The following DNAJC1 variants were observed in gnomAD, a reference collection of about 807,000 sequenced individuals.
The protein encoded by DNAJC1 is dnaJ homolog subfamily C member 1.
Under a neutral mutation model 76.6 loss-of-function variants are expected in DNAJC1, and 58 were observed. The ratio of observed to expected loss-of-function variants is 0.76; its 90% confidence interval spans 0.61 to 0.94. DNAJC1 has a LOEUF of 0.94. Among genes scored for constraint, DNAJC1 ranks in the 40% least tolerant of loss-of-function variants. The pLI is 0.00. For missense variants in DNAJC1, 689 were observed against 677.3 expected (o/e 1.02, Z -0.19); for synonymous variants, 258 against 267.9 (o/e 0.96, Z 0.36).
intron 8 of DNAJC1, among the ~76,000 whole-genome samples, chr10:21,850,784 T>C (rs1392364342): frequency 6.6e-6 from 1 of 152,160 alleles, no homozygotes. Context: ...ACTACAAAGC[T>C]ATTGTAATCA....
At chr10:21,830,879 T>C (rs573732458) in intron 8 of DNAJC1, among the ~76,000 whole-genome samples, 2 of 152,336 alleles carry the variant, frequency 1.3e-5, no homozygotes, top group African/African-American at 4.8e-5. Flanking sequence ...TCAGTGAACA[T>C]TTCATTTCTA....
chr10:21,988,959 A>G (rs1025931600), intron 1 of DNAJC1, among the ~76,000 whole-genome samples: 1 of 152,182 alleles, frequency 6.6e-6, no homozygotes, highest in African/African-American at 2.4e-5. Context: ...ACAGGGACAT[A>G]TATGTCATTC....
intron 9 of DNAJC1, among the ~76,000 whole-genome samples, 181 bp from the exon 10 acceptor site, chr10:21,766,490 A>G (rs1479359033): frequency 6.6e-6 from 1 of 152,220 alleles, no homozygotes; most frequent in African/African-American, 2.4e-5. Flanking sequence ...GCCCAGAGAG[A>G]TTAAATGGAT....
chr10:21,793,578 G>A (rs1441462638), intron 9 of DNAJC1, among the ~76,000 whole-genome samples: 1 of 152,104 alleles, frequency 6.6e-6, no homozygotes, highest in African/African-American at 2.4e-5. Context: ...AAGTCCACAG[G>A]CTCCAAAACC....
intron 8 of DNAJC1, among the ~76,000 whole-genome samples, chr10:21,819,349 C>T (rs1162397290): frequency 3.3e-5 from 5 of 150,932 alleles, no homozygotes; most frequent in East Asian, 2.0e-4. Context: ...TGCAGTGAGC[C>T]GAGATCACGC....
chr10:21,977,886 A>G (rs752749817), intron 1 of DNAJC1, among the ~76,000 whole-genome samples: 2 of 152,264 alleles, frequency 1.3e-5, no homozygotes, highest in African/African-American at 4.8e-5. Flanking sequence ...CAGAAAAATA[A>G]TAAGTAAATT....
chr10:21,806,741 G>C (rs1418468565), intron 8 of DNAJC1, among the ~76,000 whole-genome samples: 2 of 150,386 alleles, frequency 1.3e-5, no homozygotes, highest in African/African-American at 4.9e-5. Flanking sequence ...AATAAAATTA[G>C]AAACTCTTGT....
intron 10 of DNAJC1, among the ~76,000 whole-genome samples, chr10:21,761,562 A>AAG (rs1554884367): frequency 6.6e-6 from 1 of 151,790 alleles, no homozygotes; most frequent in Non-Finnish European, 1.5e-5. Context: ...AAAAAAAAAA[A>AAG]AAAAATCTAG....
chr10:21,836,299 C>A (rs1256698224), intron 8 of DNAJC1, among the ~76,000 whole-genome samples: 5 of 152,120 alleles, frequency 3.3e-5, no homozygotes, highest in Admixed American at 6.6e-5. Context: ...CACCACCAGG[C>A]CTGCCCTAAA....
intron 9 of DNAJC1, among the ~76,000 whole-genome samples, chr10:21,774,174 C>A (rs1282246949): frequency 2.7e-5 from 4 of 149,516 alleles, no homozygotes; most frequent in Non-Finnish European, 5.9e-5. Context: ...TATAAAGATA[C>A]AGAATATATT....
rs762212340 is a variant in DNAJC1, at chr10:21,759,603, G to A, written c.1163C>T (p.Ser388Phe). The A allele has an allele frequency of 6.2e-7, 1 of 1,613,798 alleles. No homozygotes were observed. Among genetic ancestry groups the A allele is most frequent in the Admixed American group, 1.7e-5 (1 of 60,024 alleles). The change falls in exon 11 of 12, where the codon TCC (serine) becomes TTC (phenylalanine). Residue 388 changes from serine (S) to phenylalanine (F), a missense_variant. Transcript: ENST00000376980. ...ATTCTGAACTGTCGATTTGAGTTCGGAGAGTCTAACCATTCCTAGGAAAGA... is the reference window on the plus strand; with the variant it reads ...ATTCTGAACTGTCGATTTGAGTTCGAAGAGTCTAACCATTCCTAGGAAAGA... Reference protein sequence around the residue: ...VTCSPGMVRLSELKSTVQNSR... With the variant: ...VTCSPGMVRLFELKSTVQNSR...
chr10:21,757,569 TC>T (rs1834190804), intron 11 of DNAJC1, among the ~76,000 whole-genome samples: 1 of 152,230 alleles, frequency 6.6e-6, no homozygotes, highest in African/African-American at 2.4e-5. Context: ...GAGAGTCTCT[TC>T]TCAGGGTTTT....
intron 8 of DNAJC1, among the ~76,000 whole-genome samples, chr10:21,833,639 T>C (rs74893274): frequency 0.035 from 5,350 of 152,212 alleles, 162 homozygotes; most frequent in African/African-American, 0.069. Flanking sequence ...ATCTACCAAA[T>C]GGAGTTGCTG....
At chr10:21,770,081 G>C (rs80298076) in intron 9 of DNAJC1, among the ~76,000 whole-genome samples, 4,969 of 149,626 alleles carry the variant, frequency 0.033, 130 homozygotes, top group Middle Eastern at 0.065. Context: ...AAAATCTAAC[G>C]AGTCCATTTT....
chr10:21,787,456 G>T (rs775887431), intron 9 of DNAJC1, among the ~76,000 whole-genome samples: 1 of 152,048 alleles, frequency 6.6e-6, no homozygotes, highest in Admixed American at 6.6e-5. Flanking sequence ...TTGGGGAGGT[G>T]ATATCAGCAA....
intron 9 of DNAJC1, among the ~76,000 whole-genome samples, chr10:21,777,431 A>G (rs555723327): frequency 1.3e-5 from 2 of 152,330 alleles, no homozygotes; most frequent in East Asian, 1.9e-4. Flanking sequence ...GAGTCCTTGG[A>G]TATTTCTGTG....
At chr10:21,829,540 C>T (rs907024780) in intron 8 of DNAJC1, among the ~76,000 whole-genome samples, 9 of 151,742 alleles carry the variant, frequency 5.9e-5, no homozygotes, top group Admixed American at 1.3e-4. Context: ...TTACTAGAGA[C>T]GGGATTAAAC....
chr10:21,820,132 T>C (rs1402225376), intron 8 of DNAJC1, among the ~76,000 whole-genome samples: 1 of 152,212 alleles, frequency 6.6e-6, no homozygotes, highest in Non-Finnish European at 1.5e-5. Flanking sequence ...ACCACTAATT[T>C]ACTTTCTGTC....
intron 8 of DNAJC1, among the ~76,000 whole-genome samples, chr10:21,861,335 A>G (rs962131373): frequency 4.6e-5 from 7 of 152,212 alleles, no homozygotes; most frequent in Admixed American, 2.0e-4. Context: ...AAAAGAGGAC[A>G]CAGGAACAAA....
Sources: allele counts gnomAD v4.1 joint callset (sites outside exome capture counted in the v4.1 genomes callset), GRCh38; gene constraint gnomAD v4.1.1; transcripts MANE v1.5; gene names NCBI Gene and HGNC (gene_info 2026-07-23, HGNC 2026-07-21).